The following RBFOX1 variants were observed in gnomAD, a reference collection of about 807,000 sequenced individuals.
The protein encoded by RBFOX1 is RNA binding fox-1 homolog 1, also known as RNA binding protein fox-1 homolog 1.
In RBFOX1, 8 loss-of-function variants were observed where a neutral mutation model predicts 57.7. That is an observed-to-expected ratio of 0.14 (90% CI 0.08 to 0.25). The LOEUF is 0.25. Ranked by LOEUF, RBFOX1 falls within the 10% of genes least tolerant of loss-of-function variation. RBFOX1 has a pLI of 1.00. For missense variants in RBFOX1, 611 were observed against 548.5 expected, an observed-to-expected ratio of 1.11 and a Z score of -1.14; for synonymous variants, 326 against 222.4, an observed-to-expected ratio of 1.47 and a Z score of -4.15.
intron 3 of RBFOX1, among the ~76,000 whole-genome samples, chr16:7,003,726 G>A (rs945560283): frequency 6.6e-6 from 1 of 152,174 alleles, no homozygotes; most frequent in African/African-American, 2.4e-5. Context: ...ATGTAATTAA[G>A]TTAGTATGTA....
intron 2 of RBFOX1, among the ~76,000 whole-genome samples, chr16:6,506,378 C>G (rs1419173159): frequency 5.9e-5 from 9 of 151,970 alleles, no homozygotes; most frequent in East Asian, 1.9e-4. Context: ...TTGAAAACAG[C>G]TTGGGTGAAG....
chr16:6,914,337 C>T lies in RBFOX1; in HGVS notation c.-15-137720C>T, dbSNP rs192568708. On this transcript the variant is annotated intron_variant, in intron 3 of 15. Coordinates refer to ENST00000550418, the MANE Select transcript of RBFOX1 (RefSeq NM_018723.4). Reference sequence around the variant, plus strand: ...TAGTGATATATCTAGTCCGGGGTGTCTGGGCTTAAATTACAGGGTCGGCTG... The same window carrying T: ...TAGTGATATATCTAGTCCGGGGTGTTTGGGCTTAAATTACAGGGTCGGCTG... Among the ~76,000 whole-genome samples the T allele has an allele frequency of 7.9e-4, 120 of 152,128 alleles. 3 individuals carry two copies. Among genetic ancestry groups the T allele is most frequent in the Admixed American group, 2.2e-3 (34 of 15,286 alleles).
At chr16:5,343,538 G>T (rs1457413232) in intron 1 of RBFOX1, among the ~76,000 whole-genome samples, 2 of 151,734 alleles carry the variant, frequency 1.3e-5, no homozygotes, top group African/African-American at 2.4e-5. Flanking sequence ...ACCCAGGATG[G>T]TCTTGATATC....
intron 3 of RBFOX1, among the ~76,000 whole-genome samples, chr16:5,621,336 G>C (rs905536157): frequency 6.6e-6 from 1 of 152,104 alleles, no homozygotes; most frequent in Non-Finnish European, 1.5e-5. Flanking sequence ...TCACAAATAT[G>C]TCTCACATTC....
At chr16:5,844,565 C>T (rs2056704254) in intron 3 of RBFOX1, among the ~76,000 whole-genome samples, 1 of 152,094 alleles carries the variant, frequency 6.6e-6, no homozygotes, top group African/African-American at 2.4e-5. Context: ...CACTAACTAG[C>T]AACTTCAAAA....
chr16:5,546,888 A>T (rs1419441288), intron 2 of RBFOX1, among the ~76,000 whole-genome samples: 1 of 152,198 alleles, frequency 6.6e-6, no homozygotes, highest in East Asian at 1.9e-4. Context: ...TAGAATGGGT[A>T]AAGAACTCTC....
intron 1 of RBFOX1, among the ~76,000 whole-genome samples, chr16:6,149,731 A>G (rs533502617): frequency 1.3e-5 from 2 of 152,310 alleles, no homozygotes; most frequent in African/African-American, 4.8e-5. Context: ...TTATCTGTTG[A>G]TTACCTTTAA....
chr16:6,113,682 G>T (rs887286023), intron 1 of RBFOX1, among the ~76,000 whole-genome samples: 3 of 152,228 alleles, frequency 2.0e-5, no homozygotes, highest in Admixed American at 2.0e-4. Context: ...AGGGAGAAAA[G>T]AAGAAGCTGA....
At chr16:5,969,735 A>G (rs542315373) in intron 4 of RBFOX1, among the ~76,000 whole-genome samples, 42 of 152,078 alleles carry the variant, frequency 2.8e-4, no homozygotes, top group African/African-American at 9.6e-4. Context: ...GTTTTAAAAA[A>G]TTGTCCCTTG....
intron 3 of RBFOX1, among the ~76,000 whole-genome samples, chr16:6,810,311 A>T (rs1369462404): frequency 6.6e-6 from 1 of 152,082 alleles, no homozygotes; most frequent in Non-Finnish European, 1.5e-5. Flanking sequence ...GAAAGGTTAA[A>T]TGAGACCCAT....
chr16:5,395,164 C>A (rs565014968), intron 1 of RBFOX1, among the ~76,000 whole-genome samples: 1 of 152,308 alleles, frequency 6.6e-6, no homozygotes, highest in African/African-American at 2.4e-5. Context: ...GCCAGCATCC[C>A]AGAGCACTGC....
At chr16:6,948,531 C>G (rs1348726326) in intron 3 of RBFOX1, among the ~76,000 whole-genome samples, 3 of 151,448 alleles carry the variant, frequency 2.0e-5, no homozygotes, top group Non-Finnish European at 4.4e-5. Flanking sequence ...TAGAGGCGCC[C>G]ACCACCATGC....
chr16:6,833,639 C>G (rs1046762040), intron 3 of RBFOX1, among the ~76,000 whole-genome samples: 1 of 152,206 alleles, frequency 6.6e-6, no homozygotes, highest in Non-Finnish European at 1.5e-5. Context: ...GAGATTTTGT[C>G]TTCCTCATGT....
chr16:7,413,157 C>A (rs1158273654), intron 4 of RBFOX1, among the ~76,000 whole-genome samples: 1 of 152,184 alleles, frequency 6.6e-6, no homozygotes, highest in Non-Finnish European at 1.5e-5. Context: ...TCACAAGCCT[C>A]CCTGATGACA....
intron 1 of RBFOX1, among the ~76,000 whole-genome samples, chr16:5,247,867 TAGGGTTGGAGC>T (rs1181478618): frequency 6.6e-6 from 1 of 152,216 alleles, no homozygotes; most frequent in African/African-American, 2.4e-5. Context: ...AGGTCTGGGC[TAGGGTTGGAGC>T]AGGTGAGTCC....
chr16:6,927,817 C>A (rs975022274), intron 3 of RBFOX1, among the ~76,000 whole-genome samples: 2 of 152,144 alleles, frequency 1.3e-5, no homozygotes, highest in African/African-American at 4.8e-5. Context: ...AGCCAGAAGC[C>A]TAACACTGAA....
chr16:7,564,162 G>C (rs1414408772), intron 5 of RBFOX1, among the ~76,000 whole-genome samples: 1 of 152,088 alleles, frequency 6.6e-6, no homozygotes, highest in Non-Finnish European at 1.5e-5. Context: ...TTAAGGCCAC[G>C]AGAGTAGAGC....
At chr16:6,483,660 T>G (rs1371332098) in intron 2 of RBFOX1, 9 of 978,310 alleles carry the variant, frequency 9.2e-6, no homozygotes, top group Non-Finnish European at 1.1e-5. Context: ...TGAAGCCCAC[T>G]GACTCCGCGG....
intron 4 of RBFOX1, among the ~76,000 whole-genome samples, chr16:7,396,089 C>G (rs766294938): frequency 1.8e-4 from 27 of 152,070 alleles, no homozygotes; most frequent in African/African-American, 6.3e-4. Context: ...GTGCTCTCAG[C>G]TTGTAAGTGT....
Sources: gnomAD v4.1 joint callset for allele counts (sites outside exome capture counted in the v4.1 genomes callset) on GRCh38, gnomAD v4.1.1 for gene constraint, MANE v1.5 for transcripts, NCBI Gene and HGNC (gene_info 2026-07-23, HGNC 2026-07-21) for gene names.